The following MYO3B variants were observed in gnomAD, a reference collection of about 807,000 sequenced individuals.
MYO3B encodes the protein myosin IIIB.
A neutral mutation model predicts 174.6 loss-of-function variants in MYO3B; 156 were observed. The observed-to-expected ratio is 0.89, with a 90% CI of 0.78 to 1.02. The LOEUF is 1.02. MYO3B is among the 50% of genes least tolerant of loss of function. The pLI is 0.00. For missense variants in MYO3B, 1,632 were observed against 1,639.4 expected, an observed-to-expected ratio of 1.00 and a Z score of 0.08; for synonymous variants, 563 against 569.1, an observed-to-expected ratio of 0.99 and a Z score of 0.15.
intron 7 of MYO3B, among the ~76,000 whole-genome samples, chr2:170,324,009 T>C (rs1482336511): frequency 6.6e-6 from 1 of 152,136 alleles, no homozygotes; most frequent in African/African-American, 2.4e-5. Flanking sequence ...GAGTTCCCCT[T>C]TTATGGCCAT....
intron 25 of MYO3B, among the ~76,000 whole-genome samples, chr2:170,489,002 C>G (rs1025543090): frequency 6.6e-6 from 1 of 152,186 alleles, no homozygotes; most frequent in Non-Finnish European, 1.5e-5. Context: ...CCTGTAAACA[C>G]TCATGAGTTC....
intron 7 of MYO3B, among the ~76,000 whole-genome samples, chr2:170,291,202 T>A (rs2093593553): frequency 6.6e-6 from 1 of 151,462 alleles, no homozygotes; most frequent in African/African-American, 2.4e-5. Context: ...TGAGCCGAGA[T>A]CACACCATTG....
rs930419484 is a variant in MYO3B, at chr2:170,206,359, C to T, written c.321+6075C>T. ...TGGTGCCACCACACTTCCTTAGGCA[C>T]AGCTCTGCTTCCACATTCCACACTA... On this transcript the variant is annotated intron_variant, in intron 3 of 34. Coordinates refer to ENST00000408978, the MANE Select transcript of MYO3B (RefSeq NM_138995.5). This position sits in a 1 kb window ranked among gnomAD's most constrained non-coding sequence, Gnocchi z 4.3. Among the ~76,000 whole-genome samples the T allele has an allele frequency of 2.0e-5, 3 of 152,196 alleles. No individual in the cohort carries two copies. Among genetic ancestry groups the T allele is most frequent in the Non-Finnish European group, 4.4e-5 (3 of 68,024 alleles).
rs1182916816 is a variant in MYO3B at position 170,499,951 on chromosome 2, TTTCC to T, written c.3289+159_3289+162del. On this transcript the variant is annotated intron_variant, in intron 27 of 34. Transcript: ENST00000408978. ...CCTCCCTCCCTTCCTTCCTTCCTTC[TTTCC>T]TTCCTTCCTTCCTTCTTTCCTTCCT... is the stretch of plus-strand genomic sequence containing the variant. 6.4e-3 allele frequency: 4,137 copies of T among 645,640 alleles called. 38 individuals are homozygous for T. The highest frequency in any genetic ancestry group is 0.03 in the African/African-American group (1,525 of 51,404). The allele number at this position is 645,640 out of a possible 1,614,324, so 40.0% of individuals were successfully genotyped here. A position where few individuals can be genotyped will look rare whatever the true frequency, so the allele number is the denominator to read the frequency against.
chr2:170,290,714 A>T (rs2093589955), intron 7 of MYO3B, among the ~76,000 whole-genome samples: 1 of 152,022 alleles, frequency 6.6e-6, no homozygotes, highest in Admixed American at 6.5e-5. Flanking sequence ...TATTATTGCC[A>T]TTTTGTTGCC....
At chr2:170,323,345 C>T (rs897424544) in intron 7 of MYO3B, among the ~76,000 whole-genome samples, 1 of 152,190 alleles carries the variant, frequency 6.6e-6, no homozygotes, top group Non-Finnish European at 1.5e-5. Flanking sequence ...TTGCTAGTGT[C>T]TTATAATCTG....
chr2:170,245,760 G>A (rs1205422377), intron 7 of MYO3B, among the ~76,000 whole-genome samples: 1 of 152,110 alleles, frequency 6.6e-6, no homozygotes, highest in Non-Finnish European at 1.5e-5. Flanking sequence ...GCAGGGCTGG[G>A]GCCACTCACT....
intron 23 of MYO3B, among the ~76,000 whole-genome samples, chr2:170,445,044 G>C (rs1331342624): frequency 6.6e-6 from 1 of 152,152 alleles, no homozygotes; most frequent in East Asian, 1.9e-4. Flanking sequence ...TTGCTTCCAG[G>C]AGGAAATACG....
At chr2:170,650,842 C>A (rs1698955471) in intron 32 of MYO3B, among the ~76,000 whole-genome samples, 1 of 151,780 alleles carries the variant, frequency 6.6e-6, no homozygotes, top group Admixed American at 6.6e-5. Flanking sequence ...CACCTCCACA[C>A]CCAGCTAATT....
chr2:170,608,396 A>G (rs1694944282), intron 32 of MYO3B, among the ~76,000 whole-genome samples: 1 of 152,206 alleles, frequency 6.6e-6, no homozygotes, highest in East Asian at 1.9e-4. Flanking sequence ...CATTAAAAGG[A>G]TGGTGCTTTG....
chr2:170,279,650 T>G (rs1222856588), intron 7 of MYO3B, among the ~76,000 whole-genome samples: 2 of 152,128 alleles, frequency 1.3e-5, no homozygotes, highest in Non-Finnish European at 1.5e-5. Flanking sequence ...CAGTGTCTGT[T>G]GTTTTATTCT....
intron 8 of MYO3B, chr2:170,344,800 A>G (rs1409751719): frequency 6.6e-6 from 1 of 152,264 alleles, no homozygotes; most frequent in Non-Finnish European, 1.5e-5. Context: ...ATAACTCACA[A>G]TAATGATGCC....
intron 6 of MYO3B, among the ~76,000 whole-genome samples, chr2:170,234,126 C>G (rs1233537655): frequency 7.6e-6 from 1 of 131,982 alleles, no homozygotes; most frequent in African/African-American, 2.8e-5. Flanking sequence ...AGCCGAGATC[C>G]CGCCACTGCA....
chr2:170,612,182 G>T (rs531454062), intron 32 of MYO3B, among the ~76,000 whole-genome samples: 1 of 152,244 alleles, frequency 6.6e-6, no homozygotes, highest in Non-Finnish European at 1.5e-5. Flanking sequence ...TCCACTCTTT[G>T]GTCCAGCTCC....
At chr2:170,578,780 G>T (rs890813540) in intron 32 of MYO3B, among the ~76,000 whole-genome samples, 3 of 152,228 alleles carry the variant, frequency 2.0e-5, no homozygotes, top group African/African-American at 7.2e-5. Context: ...CCGCTGCCCC[G>T]CTGCGAGGAA....
At chr2:170,465,212 C>T (rs1684546389) in intron 24 of MYO3B, among the ~76,000 whole-genome samples, 1 of 152,040 alleles carries the variant, frequency 6.6e-6, no homozygotes, top group Non-Finnish European at 1.5e-5. Flanking sequence ...TTTATTGGCT[C>T]ACGGTTCTGC....
intron 32 of MYO3B, among the ~76,000 whole-genome samples, chr2:170,624,779 C>A (rs1196722388): frequency 1.3e-5 from 2 of 152,014 alleles, no homozygotes; most frequent in Non-Finnish European, 2.9e-5. Flanking sequence ...GCATAAAAGG[C>A]TGTTGAATTT....
At chr2:170,373,078 G>C (rs181552957) in intron 9 of MYO3B, among the ~76,000 whole-genome samples, 3 of 152,286 alleles carry the variant, frequency 2.0e-5, no homozygotes, top group Admixed American at 1.3e-4. Flanking sequence ...GCAGTATGGA[G>C]AATGAAGCAG....
At chr2:170,445,527 G>C (rs944611899) in intron 23 of MYO3B, among the ~76,000 whole-genome samples, 1 of 152,072 alleles carries the variant, frequency 6.6e-6, no homozygotes, top group Non-Finnish European at 1.5e-5. Context: ...TTTTAGTAGA[G>C]ACGGGGTTTC....
Sources: allele counts gnomAD v4.1 joint callset (sites outside exome capture counted in the v4.1 genomes callset), GRCh38; gene constraint gnomAD v4.1.1; non-coding constraint Gnocchi (gnomAD v3.1); transcripts MANE v1.5; gene names NCBI Gene and HGNC (gene_info 2026-07-23, HGNC 2026-07-21).